RNF185: variants seen among roughly 807,000 people sequenced by gnomAD.
The protein encoded by RNF185 is ring finger protein 185, also known as E3 ubiquitin-protein ligase RNF185.
RNF185 carries 13 observed loss-of-function variants against 24.9 expected under a neutral mutation model. The observed-to-expected ratio is 0.52, with a 90% confidence interval of 0.34 to 0.83. The LOEUF is 0.83. Ranked by LOEUF, RNF185 falls within the 40% of genes least tolerant of loss-of-function variation. The pLI, the probability that RNF185 is intolerant of heterozygous loss-of-function variation, is 0.01. For synonymous variants in RNF185, 79 were observed against 90.3 expected, an observed-to-expected ratio of 0.88 and a Z score of 0.71; for missense variants, 184 against 244.7, an observed-to-expected ratio of 0.75 and a Z score of 1.65.
At chr22:31,164,426 T>C (rs149580956) in intron 1 of RNF185, among the ~76,000 whole-genome samples, 14 of 152,346 alleles carry the variant, frequency 9.2e-5, no homozygotes, top group African/African-American at 3.1e-4. Context: ...TTAACATTAA[T>C]ACAATATTAC....
chr22:31,192,886 C>T (rs2048169289), intron 3 of RNF185, among the ~76,000 whole-genome samples, 184 bp downstream of exon 3: 1 of 152,150 alleles, frequency 6.6e-6, no homozygotes, highest in Non-Finnish European at 1.5e-5. Context: ...TCGGGATGGT[C>T]CTAATTCTGC....
intron 1 of RNF185, among the ~76,000 whole-genome samples, chr22:31,185,346 C>G (rs1022642593): frequency 6.6e-6 from 1 of 152,184 alleles, no homozygotes; most frequent in African/African-American, 2.4e-5. Context: ...AGGAAGCTTT[C>G]TGGGTCTGAG....
chr22:31,186,939 G>C, intron 1 of RNF185, 108 bp from the exon 2 acceptor site: 1 of 802,340 alleles, frequency 1.2e-6, no homozygotes, highest in South Asian at 1.8e-5. Flanking sequence ...TCTGCTCAGG[G>C]ATTCAGTCAT....
At chr22:31,188,423 C>G (rs556589903) in intron 2 of RNF185, among the ~76,000 whole-genome samples, 2 of 152,026 alleles carry the variant, frequency 1.3e-5, no homozygotes, top group Non-Finnish European at 2.9e-5. Flanking sequence ...TTCAGGGTAT[C>G]GTAAAACCAG....
At chr22:31,166,764 C>T (rs1207613928) in intron 1 of RNF185, among the ~76,000 whole-genome samples, 1 of 152,062 alleles carries the variant, frequency 6.6e-6, no homozygotes. Context: ...ATTCTCCTGC[C>T]TCAGCCTCCC....
At chr22:31,190,377 C>T (rs1271122720) in intron 2 of RNF185, among the ~76,000 whole-genome samples, 1 of 152,126 alleles carries the variant, frequency 6.6e-6, no homozygotes, top group Admixed American at 6.5e-5. Flanking sequence ...ACCTCTGCCT[C>T]CCAGGTTCAA....
chr22:31,178,872 T>G (rs1170375733), intron 1 of RNF185, among the ~76,000 whole-genome samples: 1 of 152,198 alleles, frequency 6.6e-6, no homozygotes, highest in Admixed American at 6.5e-5. Flanking sequence ...AACCAGGTAT[T>G]TAATTTTGTA....
intron 1 of RNF185, 29 bp from the exon 2 acceptor site, chr22:31,187,018 T>C (rs1321656844): frequency 1.4e-6 from 2 of 1,443,540 alleles, no homozygotes; most frequent in African/African-American, 1.4e-5. Context: ...GCTGCAGAAA[T>C]GGACAGTCAA....
In RNF185 at chr22:31,187,185, G is replaced by A. The variant is rs1436069927; in HGVS notation, c.91G>A (p.Gly31Arg). The change falls in exon 2 of 7, where the codon GGA becomes AGA. Residue 31 changes from glycine (G) to arginine (R), a missense_variant. By Grantham distance (125) the Gly-to-Arg change is moderately radical. Coordinates refer to ENST00000326132, the MANE Select transcript of RNF185 (RefSeq NM_152267.4). The stretch of plus-strand genomic sequence containing the variant: ...GAGCAGCAATGGCGCTGGCGAGAGC[G>A]GAGGGCAGGACAGCACTTTCGAGTG... ...SGSSNGAGES[G>R]GQDSTFECNI... The A allele has an allele frequency of 8.1e-6, 13 of 1,613,948 alleles. No individual in the cohort carries two copies. The highest frequency in any genetic ancestry group is 4.5e-5 in the East Asian group (2 of 44,858).
Position 31,206,344 on chromosome 22 carries a change from A to C in RNF185, c.*1758A>C, listed in dbSNP as rs2048314467. 1 of 152,530 alleles carries C rather than the reference A, an allele frequency of 6.6e-6. No homozygotes were observed. The highest frequency in any genetic ancestry group is 1.5e-5 in the Non-Finnish European group (1 of 68,022). The allele number at this position is 152,530 out of a possible 1,614,324, so 9.4% of individuals were successfully genotyped here. A position where few individuals can be genotyped will look rare whatever the true frequency, so the allele number is the denominator to read the frequency against. On this transcript the variant is annotated 3_prime_UTR_variant, in exon 7 of 7. Coordinates refer to ENST00000326132, the MANE Select transcript of RNF185 (RefSeq NM_152267.4). Reference sequence around the variant, plus strand: ...ACCAGCTTTATAGTGTGCCTGATAGATTTTAAACATTCCTGGGCACCCACT... The same window carrying C: ...ACCAGCTTTATAGTGTGCCTGATAGCTTTTAAACATTCCTGGGCACCCACT...
At chr22:31,201,894 A>C (rs2048266350) in intron 6 of RNF185, among the ~76,000 whole-genome samples, 1 of 152,210 alleles carries the variant, frequency 6.6e-6, no homozygotes, top group Non-Finnish European at 1.5e-5. Context: ...AGCTGCGTTT[A>C]ACAGATCAGA....
chr22:31,188,995 GT>G (rs2048127402), intron 2 of RNF185, among the ~76,000 whole-genome samples: 1 of 148,750 alleles, frequency 6.7e-6, no homozygotes. Context: ...GTGTGGTGGA[GT>G]GCACCTGTAG....
At chr22:31,160,803 T>C (rs954234699) in intron 1 of RNF185, among the ~76,000 whole-genome samples, 1 of 152,240 alleles carries the variant, frequency 6.6e-6, no homozygotes, top group African/African-American at 2.4e-5. Flanking sequence ...TTTCAAAATA[T>C]GGTTCTTACA....
At chr22:31,170,435 C>T (rs1411066981) in intron 1 of RNF185, among the ~76,000 whole-genome samples, 6 of 152,060 alleles carry the variant, frequency 3.9e-5, no homozygotes, top group Admixed American at 6.6e-5. Context: ...GTGATCCACC[C>T]GCCTTGGCCT....
intron 1 of RNF185, among the ~76,000 whole-genome samples, chr22:31,166,322 C>T (rs1172094950): frequency 2.0e-5 from 3 of 151,990 alleles, no homozygotes; most frequent in Non-Finnish European, 4.4e-5. Context: ...TTGGGAAATA[C>T]AGAAAAATCT....
At chr22:31,192,966 G>A (rs1224194135) in intron 3 of RNF185, among the ~76,000 whole-genome samples, 2 of 152,120 alleles carry the variant, frequency 1.3e-5, no homozygotes, top group East Asian at 3.8e-4. Context: ...TGTTAGTTAG[G>A]TCCTTTTTAT....
chr22:31,170,112 T>C (rs976997245), intron 1 of RNF185, among the ~76,000 whole-genome samples: 2 of 152,216 alleles, frequency 1.3e-5, no homozygotes, highest in African/African-American at 2.4e-5. Context: ...CTATAGCACC[T>C]GACTCTGATA....
intron 1 of RNF185, among the ~76,000 whole-genome samples, chr22:31,179,733 C>T (rs1051518913): frequency 1.3e-5 from 2 of 152,208 alleles, no homozygotes; most frequent in African/African-American, 4.8e-5. Context: ...CTTAACCATT[C>T]CTACTCCAAC....
intron 5 of RNF185, 106 bp downstream of exon 5, chr22:31,197,096 T>G: frequency 6.7e-7 from 1 of 1,497,962 alleles, no homozygotes; most frequent in South Asian, 1.2e-5. Context: ...AAAGGAAAAC[T>G]TGTAAAATAC....
Sources: allele counts gnomAD v4.1 joint callset (sites outside exome capture counted in the v4.1 genomes callset), GRCh38; gene constraint gnomAD v4.1.1; transcripts MANE v1.5; gene names NCBI Gene and HGNC (gene_info 2026-07-23, HGNC 2026-07-21).